ARMC2: variants seen among roughly 807,000 people sequenced by gnomAD.
The protein encoded by ARMC2 is armadillo repeat containing 2.
Under a neutral mutation model 90.3 loss-of-function variants are expected in ARMC2, and 67 were observed. The ratio of observed to expected loss-of-function variants is 0.74; its 90% CI spans 0.61 to 0.91. ARMC2 has a LOEUF of 0.91. Ranked by LOEUF, ARMC2 falls within the 40% of genes least tolerant of loss-of-function variation. The pLI is 0.00. For synonymous variants in ARMC2, 393 were observed against 393.0 expected (o/e 1.00, Z 0.00); for missense variants, 920 against 1,030.9 (o/e 0.89, Z 1.47).
At chr6:109,024,302 C>T in the ARMC2 span, among the ~76,000 whole-genome samples, 1 of 152,034 alleles carries the variant, frequency 6.6e-6, no homozygotes, top group Non-Finnish European at 1.5e-5. Flanking sequence ...TAGGGACTAC[C>T]ATTAAACTGA....
intron 8 of ARMC2, 139 bp downstream of exon 8, chr6:108,904,544 C>T: frequency 5.2e-6 from 4 of 775,502 alleles, no homozygotes; most frequent in Non-Finnish European, 7.4e-6. Context: ...AGGTAATAAA[C>T]TGACATCTCA....
At chr6:108,979,307 G>T (rs1238890757), downstream of ARMC2, among the ~76,000 whole-genome samples, 1 of 152,196 alleles carries the variant, frequency 6.6e-6, no homozygotes, top group Non-Finnish European at 1.5e-5. Flanking sequence ...CTTTAAGAAT[G>T]TTGAATATTG....
At chr6:108,912,585 A>G in intron 10 of ARMC2, 27 bp downstream of exon 10, 1 of 1,570,468 alleles carries the variant, frequency 6.4e-7, no homozygotes, top group Admixed American at 1.7e-5. Context: ...AAAACGTTAG[A>G]TGTGTAAAAT....
chr6:108,929,007 A>G (rs1484758248), intron 11 of ARMC2, among the ~76,000 whole-genome samples: 1 of 152,164 alleles, frequency 6.6e-6, no homozygotes, highest in East Asian at 1.9e-4. Context: ...CTTGTATTAT[A>G]GATTAAATGG....
chr6:108,930,987 T>C lies in ARMC2; in HGVS notation c.1496+2754T>C, dbSNP rs563865545. 3.3e-5 allele frequency among the ~76,000 whole-genome samples: 5 copies of C among 151,492 alleles called. No individual in the cohort carries two copies. In the Middle Eastern group the frequency reaches 0.01, roughly 309 times the overall value. ...TAGGTAAACTCATGTCACGGGAGTTTGTTGTACAGATTATTTAATCACCCA... is the reference window on the plus strand; with the variant it reads ...TAGGTAAACTCATGTCACGGGAGTTCGTTGTACAGATTATTTAATCACCCA... On this transcript the variant is annotated intron_variant, in intron 11 of 17. Transcript: ENST00000392644.
intron 3 of ARMC2, among the ~76,000 whole-genome samples, chr6:108,861,857 T>C (rs1295833735): frequency 6.6e-6 from 1 of 152,200 alleles, no homozygotes; most frequent in African/African-American, 2.4e-5. Flanking sequence ...TCACTCAGTT[T>C]GGGACTCAGT....
chr6:108,931,940 T>C (rs1412975829), intron 11 of ARMC2, among the ~76,000 whole-genome samples: 1 of 151,858 alleles, frequency 6.6e-6, no homozygotes, highest in Non-Finnish European at 1.5e-5. Flanking sequence ...ATTCTTTGTA[T>C]TTTTAGTAGA....
intron 11 of ARMC2, among the ~76,000 whole-genome samples, chr6:108,934,192 T>G (rs1004641317): frequency 2.0e-5 from 3 of 152,216 alleles, no homozygotes; most frequent in Non-Finnish European, 4.4e-5. Flanking sequence ...GTTTTTACCA[T>G]GAAGGAGTGT....
intron 12 of ARMC2, among the ~76,000 whole-genome samples, chr6:108,951,122 T>C (rs1174431115): frequency 6.6e-6 from 1 of 152,206 alleles, no homozygotes; most frequent in African/African-American, 2.4e-5. Context: ...AGTTAATGGA[T>C]GTACAGAGAG....
In ARMC2 at chr6:108,894,334, T is replaced by A. The variant is rs140225526; in HGVS notation, c.672-133T>A. The A allele has an allele frequency of 1.2e-3, 888 of 742,228 alleles. 7 individuals are homozygous for A. In the African/African-American group the frequency reaches 0.015, roughly 12 times the overall value. The allele number at this position is 742,228 out of a possible 1,614,324, so 46.0% of individuals were successfully genotyped here. On this transcript the variant is annotated intron_variant, in intron 5 of 17. Coordinates refer to ENST00000392644, the MANE Select transcript of ARMC2 (RefSeq NM_032131.6). The stretch of plus-strand genomic sequence containing the variant: ...TGAGCTATGATCACAGCACCACTGT[T>A]CTCTAGCCTGGATGACAGAGTGAGA...
chr6:109,048,788 A>G, the ARMC2 span, among the ~76,000 whole-genome samples: 146 of 152,288 alleles, frequency 9.6e-4, 1 homozygote, highest in African/African-American at 3.3e-3. Flanking sequence ...CTGATTCTAA[A>G]TTCCAGGAAG....
the ARMC2 span, among the ~76,000 whole-genome samples, chr6:109,044,961 T>G: frequency 6.6e-6 from 1 of 151,726 alleles, no homozygotes; most frequent in African/African-American, 2.4e-5. Context: ...AGGTAGAGGT[T>G]GCGGTGAGCT....
intron 3 of ARMC2, among the ~76,000 whole-genome samples, chr6:108,860,745 AG>A (rs1305040598): frequency 6.6e-6 from 1 of 150,860 alleles, no homozygotes; most frequent in South Asian, 2.1e-4. Flanking sequence ...ACCTGTAGTT[AG>A]GGGGATCTGA....
the ARMC2 span, among the ~76,000 whole-genome samples, chr6:109,005,747 A>T: frequency 6.6e-6 from 1 of 152,186 alleles, no homozygotes; most frequent in African/African-American, 2.4e-5. Context: ...CTAATCTGTA[A>T]AATAGGGATG....
At chr6:108,949,855 T>A (rs1231912041) in intron 12 of ARMC2, among the ~76,000 whole-genome samples, 1 of 152,210 alleles carries the variant, frequency 6.6e-6, no homozygotes, top group South Asian at 2.1e-4. Context: ...AATGAGAAGA[T>A]GACCCCTGGC....
the ARMC2 span, among the ~76,000 whole-genome samples, chr6:109,037,494 A>C: frequency 6.6e-6 from 1 of 152,334 alleles, no homozygotes; most frequent in East Asian, 1.9e-4. Flanking sequence ...CAATGCAATT[A>C]TTAATATATT....
At chr6:108,943,505 G>C (rs1776598003) in intron 12 of ARMC2, among the ~76,000 whole-genome samples, 2 of 152,088 alleles carry the variant, frequency 1.3e-5, no homozygotes, top group Non-Finnish European at 2.9e-5. Flanking sequence ...CTTATCATCA[G>C]ATTTGCCTGG....
chr6:108,953,488 G>A (rs1323737002), intron 13 of ARMC2, 137 bp downstream of exon 13: 2 of 844,936 alleles, frequency 2.4e-6, no homozygotes, highest in African/African-American at 3.4e-5. Context: ...CTGTATGAAG[G>A]AAATTCCCTC....
At chr6:108,953,478 C>T (rs1777352564) in intron 13 of ARMC2, 127 bp downstream of exon 13, 1 of 933,672 alleles carries the variant, frequency 1.1e-6, no homozygotes, top group East Asian at 2.7e-5. Context: ...AAAGTCTTAG[C>T]TGTATGAAGG....
Sources: gnomAD v4.1 joint callset for allele counts (sites outside exome capture counted in the v4.1 genomes callset) on GRCh38, gnomAD v4.1.1 for gene constraint, MANE v1.5 for transcripts, NCBI Gene and HGNC (gene_info 2026-07-23, HGNC 2026-07-21) for gene names.